ELOVL2: variants seen among roughly 807,000 people sequenced by gnomAD.
ELOVL2 encodes ELOVL fatty acid elongase 2.
A neutral mutation model predicts 37.7 loss-of-function variants in ELOVL2; 38 were observed. The observed-to-expected ratio is 1.01, with a 90% CI of 0.78 to 1.32. The LOEUF is 1.32. Ranked by LOEUF, ELOVL2 falls within the 40% of genes most tolerant of loss-of-function variation. ELOVL2 has a pLI of 0.00. For missense variants in ELOVL2, 352 were observed against 363.6 expected (o/e 0.97, Z 0.26); for synonymous variants, 115 against 122.3 (o/e 0.94, Z 0.40).
intron 1 of ELOVL2, among the ~76,000 whole-genome samples, chr6:11,041,607 A>G (rs911475487): frequency 6.6e-6 from 1 of 152,180 alleles, no homozygotes; most frequent in African/African-American, 2.4e-5. Context: ...CATTGGTTTT[A>G]ATTTCAAAGA....
intron 7 of ELOVL2, among the ~76,000 whole-genome samples, chr6:10,987,226 G>A (rs1180292634): frequency 6.6e-6 from 1 of 152,054 alleles, no homozygotes; most frequent in Non-Finnish European, 1.5e-5. Context: ...GCATCTATTT[G>A]ATTCTTCTCT....
chr6:11,025,750 C>A (rs949557), intron 1 of ELOVL2, among the ~76,000 whole-genome samples: 10 of 152,006 alleles, frequency 6.6e-5, no homozygotes, highest in Admixed American at 5.2e-4. Context: ...TAAAATAAAA[C>A]GTACAGTAGT....
intron 1 of ELOVL2, among the ~76,000 whole-genome samples, chr6:11,039,041 G>A (rs1488366586): frequency 6.6e-6 from 1 of 152,144 alleles, no homozygotes; most frequent in Admixed American, 6.6e-5. Context: ...GAGTGGTTAG[G>A]GTAGGTCTAA....
At chr6:11,022,445 GAC>G (rs894986322) in intron 1 of ELOVL2, among the ~76,000 whole-genome samples, 9 of 152,198 alleles carry the variant, frequency 5.9e-5, no homozygotes, top group Non-Finnish European at 8.8e-5. Flanking sequence ...GCGTGAAAAA[GAC>G]AGACCAGAAT....
chr6:10,984,005 T>C, intron 7 of ELOVL2, 99 bp from the exon 8 acceptor site: 3 of 1,156,680 alleles, frequency 2.6e-6, no homozygotes, highest in Non-Finnish European at 2.4e-6. Context: ...GTGATTTTGT[T>C]GGGCGCAGGA....
At chr6:11,026,003 T>C (rs1004649908) in intron 1 of ELOVL2, among the ~76,000 whole-genome samples, 4 of 152,152 alleles carry the variant, frequency 2.6e-5, no homozygotes, top group African/African-American at 9.7e-5. Context: ...TGGCTCTGGG[T>C]AGCGAAGTGG....
rs918202048 is a variant in ELOVL2 at position 11,037,189 on chromosome 6, A to G, written c.3+7039T>C. On this transcript the variant is annotated intron_variant, in intron 1 of 7. Coordinates refer to ENST00000354666, the MANE Select transcript of ELOVL2 (RefSeq NM_017770.4). ...AAGAGACAAGAGAGGCAGAGAGGGA[A>G]AGAGAGAGGCAGAGAGGGAAAGAGA... Among the ~76,000 whole-genome samples the G allele has an allele frequency of 4.6e-4, 69 of 150,062 alleles. 1 individual carries two copies. The highest frequency in any genetic ancestry group is 8.0e-4 in the Non-Finnish European group (54 of 67,376).
chr6:11,033,390 G>A (rs908456874), intron 1 of ELOVL2, among the ~76,000 whole-genome samples: 1 of 152,206 alleles, frequency 6.6e-6, no homozygotes, highest in Non-Finnish European at 1.5e-5. Context: ...TGAGAATGCA[G>A]TGTGTACAAC....
chr6:11,029,600 C>T (rs1021252211), intron 1 of ELOVL2, among the ~76,000 whole-genome samples: 2 of 152,122 alleles, frequency 1.3e-5, no homozygotes, highest in African/African-American at 2.4e-5. Flanking sequence ...GGAGTGACAT[C>T]GTATAGCAGA....
chr6:10,988,420 C>T (rs1782087065), intron 7 of ELOVL2, among the ~76,000 whole-genome samples: 1 of 152,136 alleles, frequency 6.6e-6, no homozygotes, highest in Admixed American at 6.6e-5. Flanking sequence ...CAAGATTAGC[C>T]AGGCGTGGTG....
chr6:11,005,885 T>G (rs1372773057), intron 2 of ELOVL2, among the ~76,000 whole-genome samples: 1 of 151,968 alleles, frequency 6.6e-6, no homozygotes, highest in South Asian at 2.1e-4. Context: ...GTAAGTACTA[T>G]TATGCAATTT....
At chr6:10,998,518 T>G (rs1215322485) in intron 4 of ELOVL2, among the ~76,000 whole-genome samples, 2 of 152,212 alleles carry the variant, frequency 1.3e-5, no homozygotes, top group Non-Finnish European at 2.9e-5. Context: ...ATCAGTATCA[T>G]TTTAAACTCA....
intron 1 of ELOVL2, among the ~76,000 whole-genome samples, chr6:11,024,339 C>T (rs1782809631): frequency 6.6e-6 from 1 of 152,204 alleles, no homozygotes; most frequent in Non-Finnish European, 1.5e-5. Context: ...TAAATGAACA[C>T]TTTTATGAAA....
chr6:10,998,827 G>C (rs1043596148), intron 4 of ELOVL2, among the ~76,000 whole-genome samples: 1 of 152,300 alleles, frequency 6.6e-6, no homozygotes, highest in African/African-American at 2.4e-5. Flanking sequence ...GGTTGTCATA[G>C]ACTAGGCCTT....
In ELOVL2 at chr6:10,983,331, T is replaced by C. The variant is rs1489408869; in HGVS notation, c.*450A>G. ...TTGCTAAAGGAACAAATGGAATGAT[T>C]ATGCACTGGCATTATTGCTTAATAT... On this transcript the variant is annotated 3_prime_UTR_variant, in exon 8 of 8. Transcript: ENST00000354666. 2 of 152,402 alleles carry C rather than the reference T, an allele frequency of 1.3e-5. No individual in the cohort carries two copies. Among genetic ancestry groups the C allele is most frequent in the East Asian group, 3.8e-4 (2 of 5,206 alleles). The allele number at this position is 152,402 out of a possible 1,614,324, so 9.4% of individuals were successfully genotyped here. A position where few individuals can be genotyped will look rare whatever the true frequency, so the allele number is the denominator to read the frequency against.
chr6:11,014,054 T>C (rs1224612728), intron 1 of ELOVL2, among the ~76,000 whole-genome samples: 7 of 152,134 alleles, frequency 4.6e-5, no homozygotes, highest in Non-Finnish European at 8.8e-5. Context: ...GGAATTCAAT[T>C]TGTGGCTGTG....
rs954410874 is a variant in ELOVL2, at chr6:10,983,442, ACT to A, written c.*337_*338del. ...TGAACAAAACCCTTTTTATTTGGAG[ACT>A]CTCTGTGAGAAACAATGCTCCACGT... On this transcript the variant is annotated 3_prime_UTR_variant, in exon 8 of 8. Transcript: ENST00000354666. 1.1e-5 allele frequency: 2 copies of A among 176,086 alleles called. No homozygotes were observed. The highest frequency in any genetic ancestry group is 2.4e-5 in the Non-Finnish European group (2 of 83,856). The allele number at this position is 176,086 out of a possible 1,614,324, so 10.9% of individuals were successfully genotyped here.
intron 1 of ELOVL2, among the ~76,000 whole-genome samples, chr6:11,038,894 G>A (rs1783057511): frequency 6.6e-6 from 1 of 152,188 alleles, no homozygotes; most frequent in Non-Finnish European, 1.5e-5. Context: ...CAAGTGCTAT[G>A]TAAATTAGCA....
chr6:11,043,525 G>T (rs184146568), intron 1 of ELOVL2: 25 of 146,434 alleles, frequency 1.7e-4, no homozygotes, highest in African/African-American at 6.2e-4. Flanking sequence ...TACTAATCCA[G>T]AGTGGAGGAC....
Sources: allele counts gnomAD v4.1 joint callset (sites outside exome capture counted in the v4.1 genomes callset), GRCh38; gene constraint gnomAD v4.1.1; transcripts MANE v1.5; gene names NCBI Gene and HGNC (gene_info 2026-07-23, HGNC 2026-07-21).